CRACDL: variants seen among roughly 807,000 people sequenced by gnomAD.
CRACDL encodes CRACD-like protein.
CRACDL carries 26 observed loss-of-function variants against 70.6 expected under a neutral mutation model. The observed-to-expected ratio is 0.37, with a 90% CI of 0.27 to 0.51. CRACDL has a LOEUF of 0.51. CRACDL is among the 20% of genes least tolerant of loss of function. The probability of loss-of-function intolerance (pLI) is 0.94; values close to 1 mark genes in which losing one functional copy is unlikely to be tolerated. For synonymous variants in CRACDL, 618 were observed against 615.2 expected, an observed-to-expected ratio of 1.00 and a Z score of -0.07; for missense variants, 1,283 against 1,376.9, an observed-to-expected ratio of 0.93 and a Z score of 1.08.
intron 7 of CRACDL, among the ~76,000 whole-genome samples, chr2:98,805,467 C>A (rs1415291377): frequency 6.6e-6 from 1 of 152,108 alleles, no homozygotes; most frequent in Non-Finnish European, 1.5e-5. Context: ...TCCACCGCTT[C>A]ACTACCCCAC....
chr2:98,919,296 C>A (rs577482977), intron 1 of CRACDL, among the ~76,000 whole-genome samples: 1 of 152,222 alleles, frequency 6.6e-6, no homozygotes, highest in Admixed American at 6.5e-5. Context: ...CTTAAGACTG[C>A]CTTGGCTCTT....
At chr2:98,840,728 G>A (rs1212172857) in intron 2 of CRACDL, 7 of 152,138 alleles carry the variant, frequency 4.6e-5, no homozygotes, top group Non-Finnish European at 8.8e-5. Flanking sequence ...TAAAAGAGCT[G>A]TAATACAACT....
chr2:98,819,895 C>G (rs1320071784), intron 7 of CRACDL, among the ~76,000 whole-genome samples: 1 of 147,496 alleles, frequency 6.8e-6, no homozygotes, highest in Non-Finnish European at 1.5e-5. Context: ...TCTCGGCTCA[C>G]TGCAACCTCC....
intron 9 of CRACDL, among the ~76,000 whole-genome samples, chr2:98,795,077 A>ATATATATATTTTTTTTTTTTTTTTT: frequency 1.7e-5 from 1 of 58,494 alleles, no homozygotes; most frequent in African/African-American, 6.6e-5. Flanking sequence ...ATATATATAT[A>ATATATATATTTTTTTTTTTTTTTTT]TTTTTTTTTT....
intron 2 of CRACDL, among the ~76,000 whole-genome samples, chr2:98,841,488 C>T (rs1706025021): frequency 6.6e-6 from 1 of 152,086 alleles, no homozygotes; most frequent in African/African-American, 2.4e-5. Context: ...TTTTTATGCA[C>T]TATTGTTTTA....
At position 98,895,075 on chromosome 2, in the gene CRACDL, C is replaced by T. The variant is rs569771735; in HGVS notation, c.-11+40863G>A. Among the ~76,000 whole-genome samples, 9 of 152,186 alleles carry T rather than the reference C, an allele frequency of 5.9e-5. No homozygotes were observed. The South Asian group carries it at 6.2e-4, about 11-fold the overall frequency. On this transcript the variant is annotated intron_variant, in intron 1 of 9. Coordinates refer to ENST00000397899, the MANE Select transcript of CRACDL (RefSeq NM_207362.3). Reference sequence around the variant, plus strand: ...TCAGCGGTCCATGATCATACCACTACGCTCCAGCCTGGGCAACAGAGGAGA... The same window carrying T: ...TCAGCGGTCCATGATCATACCACTATGCTCCAGCCTGGGCAACAGAGGAGA...
intron 7 of CRACDL, among the ~76,000 whole-genome samples, chr2:98,800,956 T>C (rs1400071336): frequency 2.0e-5 from 3 of 152,192 alleles, no homozygotes; most frequent in African/African-American, 7.2e-5. Context: ...TTTAAGCGTG[T>C]GTCTGTGTTC....
chr2:98,834,916 A>T (rs1158414490), intron 3 of CRACDL, among the ~76,000 whole-genome samples: 1 of 152,228 alleles, frequency 6.6e-6, no homozygotes, highest in Admixed American at 6.5e-5. Context: ...TAATCTTATT[A>T]GTAGTAATAA....
Position 98,795,071 on chromosome 2 carries a change from A to T in CRACDL, c.2750-400T>A, listed in dbSNP as rs1368392752. On this transcript the variant is annotated intron_variant, in intron 9 of 9. Transcript: ENST00000397899. ...TATATATATATATATATATATATAT[A>T]TATATATTTTTTTTTTTTTTTGAGA... Among the ~76,000 whole-genome samples the T allele has an allele frequency of 3.1e-3, 69 of 22,414 alleles. 8 individuals carry two copies. Among genetic ancestry groups the T allele is most frequent in the African/African-American group, 4.0e-3 (36 of 8,898 alleles). The allele number at this position is 22,414 out of a possible 152,430, so 14.7% of individuals were successfully genotyped here.
intron 5 of CRACDL, among the ~76,000 whole-genome samples, chr2:98,830,063 C>T (rs1353124887): frequency 6.6e-6 from 1 of 152,210 alleles, no homozygotes; most frequent in African/African-American, 2.4e-5. Flanking sequence ...CTTCCCTTCC[C>T]GCATCACCAA....
At chr2:98,827,891 C>T (rs1474831722) in intron 5 of CRACDL, among the ~76,000 whole-genome samples, 2 of 152,186 alleles carry the variant, frequency 1.3e-5, no homozygotes, top group Non-Finnish European at 2.9e-5. Flanking sequence ...GAGGCTGGGG[C>T]GCAGGAAGTG....
At chr2:98,821,664 G>T (rs1029665657) in intron 7 of CRACDL, among the ~76,000 whole-genome samples, 193 bp downstream of exon 7, 4 of 152,224 alleles carry the variant, frequency 2.6e-5, no homozygotes, top group South Asian at 2.1e-4. Flanking sequence ...ATTCAAAGCC[G>T]CCCCGGGCCC....
At chr2:98,875,328 C>T (rs540721654) in intron 1 of CRACDL, among the ~76,000 whole-genome samples, 5 of 152,362 alleles carry the variant, frequency 3.3e-5, no homozygotes, top group South Asian at 4.1e-4. Flanking sequence ...AACCAGATGC[C>T]TGGCCTCCTA....
chr2:98,811,397 C>A (rs1228392712), intron 7 of CRACDL, among the ~76,000 whole-genome samples: 3 of 151,094 alleles, frequency 2.0e-5, no homozygotes, highest in Non-Finnish European at 4.4e-5. Flanking sequence ...GTAGTCCCAG[C>A]TACTCGGGAG....
intron 1 of CRACDL, among the ~76,000 whole-genome samples, chr2:98,869,730 C>A (rs368315624): frequency 6.6e-6 from 1 of 152,218 alleles, no homozygotes; most frequent in Non-Finnish European, 1.5e-5. Flanking sequence ...GTGCGAGGGA[C>A]CCTGTGGGAG....
At chr2:98,920,016 AT>A (rs1477997280) in intron 1 of CRACDL, among the ~76,000 whole-genome samples, 1 of 152,136 alleles carries the variant, frequency 6.6e-6, no homozygotes, top group Admixed American at 6.5e-5. Context: ...AGCCTCCCAA[AT>A]TGTTGGGACT....
intron 7 of CRACDL, among the ~76,000 whole-genome samples, chr2:98,808,023 T>C (rs1704391443): frequency 6.6e-6 from 1 of 152,240 alleles, no homozygotes; most frequent in Admixed American, 6.5e-5. Flanking sequence ...ACGTGGCTCC[T>C]GAGCTCTTGA....
chr2:98,883,647 C>T (rs537140814), intron 1 of CRACDL, among the ~76,000 whole-genome samples: 3 of 152,168 alleles, frequency 2.0e-5, no homozygotes, highest in Admixed American at 6.5e-5. Context: ...GCCAGTGCAA[C>T]GAACCAGAGA....
intron 1 of CRACDL, among the ~76,000 whole-genome samples, chr2:98,853,465 T>C (rs574199283): frequency 2.6e-5 from 4 of 152,334 alleles, no homozygotes; most frequent in African/African-American, 7.2e-5. Context: ...AAAAGTGATA[T>C]GTACTACACT....
Sources: gnomAD v4.1 joint callset for allele counts (sites outside exome capture counted in the v4.1 genomes callset) on GRCh38, gnomAD v4.1.1 for gene constraint, MANE v1.5 for transcripts, NCBI Gene and HGNC (gene_info 2026-07-23, HGNC 2026-07-21) for gene names.